Variants in MYO7A observed in about 807,000 individuals in gnomAD.
MYO7A encodes the protein unconventional myosin-VIIa.
MYO7A carries 210 observed loss-of-function variants against 263.8 expected under a neutral mutation model. The ratio of observed to expected loss-of-function variants is 0.80; its 90% confidence interval spans 0.71 to 0.89. MYO7A has a LOEUF of 0.89. MYO7A is among the 40% of genes least tolerant of loss of function. The probability of loss-of-function intolerance (pLI) is 0.00; values close to 1 mark genes in which losing one functional copy is unlikely to be tolerated. For synonymous variants in MYO7A, 1,239 were observed against 1,197.3 expected, an observed-to-expected ratio of 1.03 and a Z score of -0.72; for missense variants, 2,820 against 2,968.3, an observed-to-expected ratio of 0.95 and a Z score of 1.16.
Position 77,190,018 on chromosome 11 carries a change from A to G in MYO7A, c.3631-2A>G. The G allele has an allele frequency of 6.5e-7, 1 of 1,541,330 alleles. No homozygotes were observed. Among genetic ancestry groups the G allele is most frequent in the Non-Finnish European group, 8.8e-7 (1 of 1,142,202 alleles). On this transcript the variant is annotated splice_acceptor_variant, in intron 28 of 48. Transcript: ENST00000409709. LOFTEE classifies it high-confidence loss of function. The stretch of plus-strand genomic sequence containing the variant: ...CCGCCTCAGCGGGTACTCTGGCTGC[A>G]GTACCTGCGGAACTTCATCCACGGG...
chr11:77,198,919 T>G (rs1325620966), intron 34 of MYO7A, among the ~76,000 whole-genome samples: 1 of 152,252 alleles, frequency 6.6e-6, no homozygotes, highest in Non-Finnish European at 1.5e-5. Context: ...TAGCACTCAC[T>G]CTATGTCTTC....
intron 14 of MYO7A, among the ~76,000 whole-genome samples, chr11:77,165,752 A>G (rs1200274434): frequency 6.6e-6 from 1 of 152,158 alleles, no homozygotes; most frequent in African/African-American, 2.4e-5. Context: ...TCTTAGTTCA[A>G]AAGACTCATG....
At position 77,190,155 on chromosome 11, in the gene MYO7A, TGCACGTGCTCGTGTGCATGTGTGC is replaced by T; in HGVS notation, c.3750+24_3750+47del. On this transcript the variant is annotated intron_variant, in intron 29 of 48. Coordinates refer to ENST00000409709, the MANE Select transcript of MYO7A (RefSeq NM_000260.4). ...GGAGCTGCAGGTTCGTGCGTGTGTA[TGCACGTGCTCGTGTGCATGTGTGC>T]GCACGTGTGTAAATGCGTGTGTGTG... is the stretch of plus-strand genomic sequence containing the variant. The T allele has an allele frequency of 6.5e-7, 1 of 1,545,886 alleles. No homozygotes were observed. The highest frequency in any genetic ancestry group is 8.7e-7 in the Non-Finnish European group (1 of 1,144,926).
Position 77,192,956 on chromosome 11 carries a change from G to C in MYO7A, c.4152+678G>C, listed in dbSNP as rs34918299. On this transcript the variant is annotated intron_variant, in intron 31 of 48. Coordinates refer to ENST00000409709, the MANE Select transcript of MYO7A (RefSeq NM_000260.4). ...GTTTGTGATGGTGGAGGTAGTGATG[G>C]TGTTGGTGATGGTGGAGGTAGTTGT... 8.2e-3 allele frequency among the ~76,000 whole-genome samples: 182 copies of C among 22,224 alleles called. 31 individuals are homozygous for C. The highest frequency in any genetic ancestry group is 0.017 in the African/African-American group (116 of 6,954). The allele number at this position is 22,224 out of a possible 152,430, so 14.6% of individuals were successfully genotyped here.
chr11:77,130,654 T>TA lies in MYO7A; in HGVS notation c.18+2_18+3insA. 1 of 1,613,234 alleles carries TA rather than the reference T, an allele frequency of 6.2e-7. No homozygotes were observed. Among genetic ancestry groups the TA allele is most frequent in the South Asian group, 1.1e-5 (1 of 90,720 alleles). ...GGGACCATGGTGATTCTTCAGCAGGTCAGTGTTCCCACCTCTTTGGGTGGC... is the reference window on the plus strand; with the variant it reads ...GGGACCATGGTGATTCTTCAGCAGGTACAGTGTTCCCACCTCTTTGGGTGGC... On this transcript the variant is annotated splice_region_variant and intron_variant, in intron 2 of 48. Transcript: ENST00000409709.
At chr11:77,153,363 G>C (rs952564595) in intron 4 of MYO7A, among the ~76,000 whole-genome samples, 7 of 152,078 alleles carry the variant, frequency 4.6e-5, no homozygotes, top group Admixed American at 4.6e-4. Context: ...GGAAGGGGGA[G>C]CTCTGGTCTG....
At chr11:77,152,217 A>C (rs1555057540) in intron 4 of MYO7A, among the ~76,000 whole-genome samples, 2 of 152,250 alleles carry the variant, frequency 1.3e-5, no homozygotes, top group Admixed American at 1.3e-4. Context: ...TACATACATA[A>C]AAAATTATTC....
At chr11:77,163,058 A>G (rs1953163591) in intron 14 of MYO7A, 70 bp downstream of exon 14, 2 of 1,540,778 alleles carry the variant, frequency 1.3e-6, no homozygotes, top group African/African-American at 2.8e-5. Flanking sequence ...CAGCCCAGGA[A>G]TAAGATATCC....
chr11:77,164,777 G>A (rs1953378081), intron 14 of MYO7A, among the ~76,000 whole-genome samples: 1 of 152,182 alleles, frequency 6.6e-6, no homozygotes, highest in Admixed American at 6.5e-5. Context: ...TCTCTATGCT[G>A]AGTTGTAAAA....
intron 28 of MYO7A, among the ~76,000 whole-genome samples, 190 bp from the exon 29 acceptor site, chr11:77,189,817 GAGCCACTAGGCTA>G (rs1955909206): frequency 6.6e-6 from 1 of 152,226 alleles, no homozygotes; most frequent in Admixed American, 6.5e-5. Context: ...GTATGGGGAG[GAGCCACTAGGCTA>G]AGCTAGCGGG....
At position 77,138,545 on chromosome 11, in the gene MYO7A, G is replaced by A. The variant is rs1370906590; in HGVS notation, c.19-4164G>A. Among the ~76,000 whole-genome samples, 1 of 152,244 alleles carries A rather than the reference G, an allele frequency of 6.6e-6. No homozygotes were observed. The highest frequency in any genetic ancestry group is 1.5e-5 in the Non-Finnish European group (1 of 68,026). ...CTAGGCTTCAGGGTGTGCATGGACT[G>A]CGGCCCTAGGATGCCACCTGCGGTC... On this transcript the variant is annotated intron_variant, in intron 2 of 48. Transcript: ENST00000409709. The surrounding 1 kb of genome is among the most constrained non-coding windows in gnomAD (Gnocchi z 4.9).
chr11:77,198,274 C>T (rs1956813833), intron 33 of MYO7A, among the ~76,000 whole-genome samples: 2 of 152,218 alleles, frequency 1.3e-5, no homozygotes, highest in African/African-American at 4.8e-5. Flanking sequence ...GCACAAAGAC[C>T]AGTGGCAGGA....
chr11:77,207,889 G>A (rs1302774216), intron 42 of MYO7A, among the ~76,000 whole-genome samples: 7 of 152,140 alleles, frequency 4.6e-5, no homozygotes, highest in Non-Finnish European at 7.4e-5. Flanking sequence ...TTCACATCAC[G>A]CTCCCCCAGC....
chr11:77,132,847 T>C (rs782039859), intron 2 of MYO7A, among the ~76,000 whole-genome samples: 2 of 152,174 alleles, frequency 1.3e-5, no homozygotes, highest in Non-Finnish European at 2.9e-5. Flanking sequence ...GGCTGAGTAA[T>C]GTGCCCAAGG....
chr11:77,206,478 C>T (rs559401844), intron 41 of MYO7A, among the ~76,000 whole-genome samples: 1 of 152,306 alleles, frequency 6.6e-6, no homozygotes, highest in African/African-American at 2.4e-5. Flanking sequence ...TGGAGAAAAG[C>T]GCTTCTCCCT....
At chr11:77,208,824 G>A (rs374846817) in intron 44 of MYO7A, 21 bp downstream of exon 44, 8 of 1,502,810 alleles carry the variant, frequency 5.3e-6, no homozygotes, top group Non-Finnish European at 9.1e-7. Context: ...CTGCACTCTA[G>A]TTGCCTTCGT....
intron 29 of MYO7A, 36 bp from the exon 30 acceptor site, chr11:77,190,661 G>T (rs1249183460): frequency 1.3e-6 from 2 of 1,559,024 alleles, no homozygotes; most frequent in Non-Finnish European, 1.7e-6. Context: ...GGTCTGAAGG[G>T]AAGGGACCCC....
At chr11:77,197,909 T>C (rs989142701) in intron 33 of MYO7A, among the ~76,000 whole-genome samples, 8 of 151,524 alleles carry the variant, frequency 5.3e-5, no homozygotes, top group African/African-American at 1.9e-4. Flanking sequence ...CAACACCCGG[T>C]AGCGACTCCA....
At chr11:77,206,350 C>G in intron 41 of MYO7A, 148 bp downstream of exon 41, 1 of 635,844 alleles carries the variant, frequency 1.6e-6, no homozygotes, top group South Asian at 2.0e-5. Context: ...GGGCTCAGGA[C>G]GAAGGCCATC....
Sources: gnomAD v4.1 joint callset for allele counts (sites outside exome capture counted in the v4.1 genomes callset) on GRCh38, gnomAD v4.1.1 for gene constraint, Gnocchi (gnomAD v3.1) non-coding constraint, MANE v1.5 for transcripts, NCBI Gene and HGNC (gene_info 2026-07-23, HGNC 2026-07-21) for gene names.